Variants in CFDP1 observed in about 807,000 individuals in gnomAD.
The protein encoded by CFDP1 is heterochromatin-stabilizing protein CFDP1.
In CFDP1, 31 loss-of-function variants were observed where a neutral mutation model predicts 40.1. The ratio of observed to expected loss-of-function variants is 0.77; its 90% CI spans 0.58 to 1.04. The LOEUF (loss-of-function observed/expected upper bound fraction) is 1.04. Among genes scored for constraint, CFDP1 ranks in the 50% least tolerant of loss-of-function variants. The probability of loss-of-function intolerance (pLI) is 0.00; values close to 1 mark genes in which losing one functional copy is unlikely to be tolerated. For synonymous variants in CFDP1, 167 were observed against 120.0 expected (o/e 1.39, Z -2.56); for missense variants, 423 against 343.4 (o/e 1.23, Z -1.83).
intron 4 of CFDP1, among the ~76,000 whole-genome samples, chr16:75,407,654 C>CAAAAAAA (rs11456525): frequency 2.6e-5 from 3 of 116,758 alleles, no homozygotes; most frequent in African/African-American, 3.3e-5. Flanking sequence ...GACCCTGTCT[C>CAAAAAAA]AAAAAAAAAA....
At chr16:75,318,094 G>A (rs912860638) in intron 5 of CFDP1, among the ~76,000 whole-genome samples, 3 of 151,928 alleles carry the variant, frequency 2.0e-5, no homozygotes, top group Admixed American at 1.3e-4. Context: ...GCACTCCAGC[G>A]CGCCACTGCA....
intron 5 of CFDP1, among the ~76,000 whole-genome samples, chr16:75,326,555 C>A (rs1019093693): frequency 6.6e-6 from 1 of 152,204 alleles, no homozygotes; most frequent in Non-Finnish European, 1.5e-5. Flanking sequence ...CTTCCTCTCT[C>A]GTTCAGTGGT....
chr16:75,297,342 T>C (rs1208008064), intron 6 of CFDP1, among the ~76,000 whole-genome samples: 3 of 152,104 alleles, frequency 2.0e-5, no homozygotes, highest in Non-Finnish European at 4.4e-5. Flanking sequence ...TCTTCTGACT[T>C]GACTTTACCT....
At chr16:75,321,870 C>T (rs1567644937) in intron 5 of CFDP1, 1 of 152,250 alleles carries the variant, frequency 6.6e-6, no homozygotes, top group South Asian at 2.1e-4. Context: ...GTCGCCCAGG[C>T]TGGAGTGCAG....
At chr16:75,321,753 G>C (rs1303166061) in intron 5 of CFDP1, 1 of 152,166 alleles carries the variant, frequency 6.6e-6, no homozygotes, top group Non-Finnish European at 1.5e-5. Flanking sequence ...GCATCCAGAA[G>C]AAACAACACA....
chr16:75,428,840 G>C (rs1187523800), intron 1 of CFDP1, among the ~76,000 whole-genome samples: 1 of 152,074 alleles, frequency 6.6e-6, no homozygotes, highest in Non-Finnish European at 1.5e-5. Flanking sequence ...GAACAGGCCA[G>C]GCGTAGAGGC....
At chr16:75,432,057 G>A (rs1013215112) in intron 1 of CFDP1, among the ~76,000 whole-genome samples, 1 of 151,314 alleles carries the variant, frequency 6.6e-6, no homozygotes, top group African/African-American at 2.4e-5. Context: ...GACTACAGGC[G>A]CGTGCCACCA....
Position 75,294,036 on chromosome 16 carries a change from A to T in CFDP1, c.816T>A (p.Ile272=). The T allele has an allele frequency of 6.2e-7, 1 of 1,612,780 alleles. No homozygotes were observed. Residue 272 remains isoleucine (I), a synonymous_variant, in exon 7 of 7, where the codon ATT becomes ATA. Coordinates refer to ENST00000283882, the MANE Select transcript of CFDP1 (RefSeq NM_006324.3). ...CTCGGTCAAGGAAGGCTTTCCGTTC[A>T]ATGTACCTAGAAGATGAAAACAGTG... The part of the protein sequence containing the change: ...AIHNRGKEGY[I]ERKAFLDRVD...
chr16:75,303,302 G>A (rs1329161842), intron 6 of CFDP1, among the ~76,000 whole-genome samples: 2 of 152,046 alleles, frequency 1.3e-5, no homozygotes, highest in Non-Finnish European at 2.9e-5. Context: ...GCAGGCAGAG[G>A]TTGCAGTGAC....
At chr16:75,341,844 G>T (rs2078529362) in intron 5 of CFDP1, among the ~76,000 whole-genome samples, 1 of 152,092 alleles carries the variant, frequency 6.6e-6, no homozygotes, top group Non-Finnish European at 1.5e-5. Flanking sequence ...AGGTAACGAG[G>T]CAGTGTGGTT....
chr16:75,364,270 T>C (rs2078699343), intron 5 of CFDP1, among the ~76,000 whole-genome samples: 1 of 152,156 alleles, frequency 6.6e-6, no homozygotes, highest in African/African-American at 2.4e-5. Flanking sequence ...AAAAGGTATT[T>C]TAAAATAAGC....
intron 5 of CFDP1, among the ~76,000 whole-genome samples, chr16:75,318,621 G>A (rs1420965804): frequency 6.6e-6 from 1 of 151,994 alleles, no homozygotes; most frequent in Non-Finnish European, 1.5e-5. Context: ...AGCCAGGATG[G>A]TCTCGATCTC....
intron 5 of CFDP1, among the ~76,000 whole-genome samples, chr16:75,353,797 G>A (rs1597349838): frequency 7.0e-6 from 1 of 142,674 alleles, no homozygotes; most frequent in African/African-American, 2.6e-5. Flanking sequence ...GTTAATTACT[G>A]AAGTAGATTT....
At chr16:75,409,449 G>C (rs942977595) in intron 4 of CFDP1, 1 of 152,172 alleles carries the variant, frequency 6.6e-6, no homozygotes, top group Admixed American at 6.6e-5. Flanking sequence ...AGAGGCAGTA[G>C]GGTATCTGTC....
At chr16:75,336,179 A>G (rs2078486593) in intron 5 of CFDP1, among the ~76,000 whole-genome samples, 1 of 152,338 alleles carries the variant, frequency 6.6e-6, no homozygotes, top group South Asian at 2.1e-4. Context: ...TCTCTCAGCC[A>G]GACAGACATT....
intron 5 of CFDP1, among the ~76,000 whole-genome samples, chr16:75,348,624 A>T (rs1053905093): frequency 6.6e-6 from 1 of 152,002 alleles, no homozygotes; most frequent in Non-Finnish European, 1.5e-5. Flanking sequence ...TTACTGCAGT[A>T]ATTATTTACT....
intron 2 of CFDP1, among the ~76,000 whole-genome samples, chr16:75,413,330 A>C (rs1398814708): frequency 6.6e-6 from 1 of 152,140 alleles, no homozygotes; most frequent in Non-Finnish European, 1.5e-5. Flanking sequence ...GCACTCTGGG[A>C]GGCCAAGGCC....
chr16:75,424,533 A>T (rs995184981), intron 1 of CFDP1, among the ~76,000 whole-genome samples: 1 of 152,174 alleles, frequency 6.6e-6, no homozygotes, highest in African/African-American at 2.4e-5. Flanking sequence ...AGGCGGGCGG[A>T]TCACGAGGTC....
intron 5 of CFDP1, among the ~76,000 whole-genome samples, chr16:75,384,908 A>G (rs2078881972): frequency 7.1e-6 from 1 of 141,656 alleles, no homozygotes; most frequent in Admixed American, 7.1e-5. Context: ...ATTGCAGACC[A>G]GTACAGACAG....
Sources: allele counts gnomAD v4.1 joint callset (sites outside exome capture counted in the v4.1 genomes callset), GRCh38; gene constraint gnomAD v4.1.1; transcripts MANE v1.5; gene names NCBI Gene and HGNC (gene_info 2026-07-23, HGNC 2026-07-21).